ARHGAP6: variants seen among roughly 807,000 people sequenced by gnomAD.
The protein encoded by ARHGAP6 is rho GTPase-activating protein 6.
Under a neutral mutation model 55.7 loss-of-function variants are expected in ARHGAP6, and 16 were observed. The ratio of observed to expected loss-of-function variants is 0.29; its 90% CI spans 0.19 to 0.44. ARHGAP6 has a LOEUF of 0.44. ARHGAP6 is among the 20% of genes least tolerant of loss of function. The pLI is 1.00. For missense variants in ARHGAP6, 698 were observed against 808.9 expected, an observed-to-expected ratio of 0.86 and a Z score of 1.66; for synonymous variants, 382 against 360.9, an observed-to-expected ratio of 1.06 and a Z score of -0.66.
chrX:11,395,870 G>A (rs2147744755), intron 1 of ARHGAP6, among the ~76,000 whole-genome samples: 1 of 111,780 alleles, frequency 8.9e-6, no homozygotes, highest in African/African-American at 3.2e-5. Context: ...ATAATTTCAA[G>A]GTTAAAGATT....
intron 1 of ARHGAP6, among the ~76,000 whole-genome samples, chrX:11,525,514 G>A (rs1010370506): frequency 1.8e-5 from 2 of 111,850 alleles, no homozygotes; most frequent in African/African-American, 3.3e-5. Context: ...AAGACTCAGA[G>A]GTGTTACACA....
At chrX:11,433,521 G>A (rs749159555) in intron 1 of ARHGAP6, among the ~76,000 whole-genome samples, 2 of 112,151 alleles carry the variant, frequency 1.8e-5, no homozygotes, top group African/African-American at 3.2e-5. Context: ...CTCCAGCTAC[G>A]ACTTTCCAAA....
At chrX:11,358,615 G>A (rs767419621) in intron 1 of ARHGAP6, among the ~76,000 whole-genome samples, 2 of 109,868 alleles carry the variant, frequency 1.8e-5, no homozygotes, top group East Asian at 5.7e-4. Flanking sequence ...GAGTAGCTGG[G>A]ATTACAGGCA....
chrX:11,146,707 C>T (rs1340398210), intron 10 of ARHGAP6, among the ~76,000 whole-genome samples: 2 of 112,319 alleles, frequency 1.8e-5, no homozygotes, highest in Non-Finnish European at 3.8e-5. Flanking sequence ...GTGAAAGAAA[C>T]AAGGAGCTGA....
intron 2 of ARHGAP6, among the ~76,000 whole-genome samples, chrX:11,235,608 T>C (rs751989019): frequency 8.1e-5 from 9 of 111,689 alleles, no homozygotes. Flanking sequence ...GAAACTCTTA[T>C]GCTTTGCTTC....
chrX:11,337,946 CAT>C (rs2048659845), intron 1 of ARHGAP6, among the ~76,000 whole-genome samples: 1 of 111,775 alleles, frequency 8.9e-6, no homozygotes, highest in African/African-American at 3.3e-5. Flanking sequence ...AGGAAGCAGA[CAT>C]GTGCAAAGAG....
intron 2 of ARHGAP6, among the ~76,000 whole-genome samples, chrX:11,202,430 A>T (rs1364775385): frequency 2.7e-5 from 3 of 111,111 alleles, no homozygotes; most frequent in Non-Finnish European, 5.7e-5. Context: ...ATTTCCTCTC[A>T]TCTACAGTCC....
intron 1 of ARHGAP6, among the ~76,000 whole-genome samples, chrX:11,603,918 G>A (rs918053703): frequency 8.9e-6 from 1 of 111,939 alleles, no homozygotes; most frequent in Non-Finnish European, 1.9e-5. Flanking sequence ...TTGAGTTACA[G>A]CTCTGTGTCC....
At chrX:11,230,916 C>T (rs2047123345) in intron 2 of ARHGAP6, among the ~76,000 whole-genome samples, 1 of 110,456 alleles carries the variant, frequency 9.1e-6, no homozygotes, top group African/African-American at 3.3e-5. Flanking sequence ...TGTTGCACTC[C>T]ATGAAATTAC....
chrX:11,524,708 C>T (rs1290060805), intron 1 of ARHGAP6, among the ~76,000 whole-genome samples: 4 of 110,731 alleles, frequency 3.6e-5, no homozygotes, highest in Admixed American at 9.7e-5. Flanking sequence ...TTCCAAGGAC[C>T]GGAGGGGAGG....
chrX:11,433,413 G>A (rs1380232479), intron 1 of ARHGAP6, among the ~76,000 whole-genome samples: 2 of 111,731 alleles, frequency 1.8e-5, no homozygotes. Flanking sequence ...ATGCCACAGA[G>A]CCAGGGAGGG....
At chrX:11,589,271 A>G (rs2051775431) in intron 1 of ARHGAP6, among the ~76,000 whole-genome samples, 1 of 107,751 alleles carries the variant, frequency 9.3e-6, no homozygotes, top group Non-Finnish European at 1.9e-5. Context: ...CTAACTCCTG[A>G]CCTCAAGTAA....
At chrX:11,396,728 T>G (rs2147745860) in intron 1 of ARHGAP6, among the ~76,000 whole-genome samples, 1 of 110,416 alleles carries the variant, frequency 9.1e-6, no homozygotes, top group South Asian at 3.9e-4. Flanking sequence ...CCTATACAAC[T>G]GATTATCCTC....
chrX:11,436,023 A>T (rs17281066), intron 1 of ARHGAP6, among the ~76,000 whole-genome samples: 7,640 of 112,073 alleles, frequency 0.068, 318 homozygotes, highest in East Asian at 0.18. Context: ...GAAGCACAAA[A>T]TTTTTTCTCA....
At chrX:11,204,542 C>T (rs960286068) in intron 2 of ARHGAP6, among the ~76,000 whole-genome samples, 3 of 111,717 alleles carry the variant, frequency 2.7e-5, no homozygotes, top group African/African-American at 9.8e-5. Flanking sequence ...TTTTGATGAC[C>T]ATTGTGATGT....
intron 1 of ARHGAP6, among the ~76,000 whole-genome samples, chrX:11,619,627 AT>A (rs767153124): frequency 7.7e-4 from 86 of 111,696 alleles, no homozygotes; most frequent in East Asian, 6.7e-3. Context: ...TAACAAAAAT[AT>A]TTTTTTATCA....
intron 12 of ARHGAP6, among the ~76,000 whole-genome samples, chrX:11,141,360 TTATG>T (rs1233136365): frequency 9.5e-6 from 1 of 105,400 alleles, no homozygotes; most frequent in Non-Finnish European, 2.0e-5. Flanking sequence ...ATAAAATTAA[TTATG>T]TAAAAAAAGA....
At chrX:11,182,635 CTTTTTT>C (rs1043810466) in intron 5 of ARHGAP6, among the ~76,000 whole-genome samples, 1 of 83,131 alleles carries the variant, frequency 1.2e-5, no homozygotes, top group African/African-American at 4.5e-5. Context: ...TTCCTTTTTT[CTTTTTT>C]TTTTTTTTTT....
chrX:11,528,185 T>C (rs1009516929), intron 1 of ARHGAP6, among the ~76,000 whole-genome samples: 1 of 112,249 alleles, frequency 8.9e-6, no homozygotes, highest in African/African-American at 3.2e-5. Context: ...CCAAATTCTG[T>C]GTGTGTCTGT....
Sources: gnomAD v4.1 joint callset for allele counts (sites outside exome capture counted in the v4.1 genomes callset) on GRCh38, gnomAD v4.1.1 for gene constraint, MANE v1.5 for transcripts, NCBI Gene and HGNC (gene_info 2026-07-23, HGNC 2026-07-21) for gene names.